Variants in SCTR observed in about 807,000 individuals in gnomAD.
SCTR encodes secretin receptor.
SCTR carries 56 observed loss-of-function variants against 60.8 expected under a neutral mutation model. The ratio of observed to expected loss-of-function variants is 0.92; its 90% CI spans 0.74 to 1.15. The LOEUF is 1.15. Ranked by LOEUF, SCTR falls within the 50% of genes most tolerant of loss-of-function variation. The probability of loss-of-function intolerance (pLI) is 0.00; values close to 1 mark genes in which losing one functional copy is unlikely to be tolerated. For synonymous variants in SCTR, 202 were observed against 217.0 expected, an observed-to-expected ratio of 0.93 and a Z score of 0.61; for missense variants, 562 against 550.4, an observed-to-expected ratio of 1.02 and a Z score of -0.21.
chr2:119,509,337 T>A (rs1225014923), intron 1 of SCTR, among the ~76,000 whole-genome samples: 1 of 152,154 alleles, frequency 6.6e-6, no homozygotes, highest in Non-Finnish European at 1.5e-5. Flanking sequence ...ATGTGTGCAA[T>A]TGTTATGCCG....
chr2:119,447,363 G>GAC (rs1025846653), intron 10 of SCTR, among the ~76,000 whole-genome samples: 1 of 152,090 alleles, frequency 6.6e-6, no homozygotes, highest in Non-Finnish European at 1.5e-5. Flanking sequence ...ATAAACAATG[G>GAC]ACACCATGTG....
intron 2 of SCTR, among the ~76,000 whole-genome samples, chr2:119,492,401 A>G (rs577200409): frequency 6.6e-6 from 1 of 152,370 alleles, no homozygotes; most frequent in African/African-American, 2.4e-5. Context: ...GTGCTAAATA[A>G]GCATTCTTTG....
chr2:119,447,725 C>T (rs1351293173), intron 10 of SCTR, among the ~76,000 whole-genome samples: 1 of 152,194 alleles, frequency 6.6e-6, no homozygotes, highest in East Asian at 1.9e-4. Flanking sequence ...GCGCCCTCCA[C>T]CACGCCTGGC....
At chr2:119,494,581 G>A in intron 1 of SCTR, 33 bp from the exon 2 acceptor site, 1 of 1,611,308 alleles carries the variant, frequency 6.2e-7, no homozygotes, top group Non-Finnish European at 8.5e-7. Flanking sequence ...GCTCATCATT[G>A]CCACTAACTC....
At position 119,464,257 on chromosome 2, in the gene SCTR, T is replaced by G; in HGVS notation, c.504-2A>C. 1 of 1,614,142 alleles carries G rather than the reference T, an allele frequency of 6.2e-7. No individual in the cohort carries two copies. The highest frequency in any genetic ancestry group is 8.5e-7 in the Non-Finnish European group (1 of 1,180,006). ...TAGTTGCGAGTGCAGTGGAGCCTCC[T>G]GCAGGGAGAGAATGTAGGGACATAG... is the stretch of plus-strand genomic sequence containing the variant. On this transcript the variant is annotated splice_acceptor_variant, in intron 5 of 12. Transcript: ENST00000019103. LOFTEE classifies it high-confidence loss of function.
rs1458635154 is a variant in SCTR, at chr2:119,518,917, G to T, written c.72+5238C>A. On this transcript the variant is annotated intron_variant, in intron 1 of 12. Transcript: ENST00000019103. ...GTGGGGATCATGAGGACAGGGTGAG[G>T]TTGGGAAGTTCTGCGGGAACTCCAA... Among the ~76,000 whole-genome samples the T allele has an allele frequency of 3.3e-5, 5 of 152,310 alleles. 1 individual carries two copies. The South Asian group carries it at 8.3e-4, about 25-fold the overall frequency.
At chr2:119,456,061 C>CTTTTT (rs34764285) in intron 7 of SCTR, among the ~76,000 whole-genome samples, 4 of 121,084 alleles carry the variant, frequency 3.3e-5, no homozygotes, top group African/African-American at 6.5e-5. Flanking sequence ...GATTTTTCAA[C>CTTTTT]TTTTTTTTTT....
intron 5 of SCTR, among the ~76,000 whole-genome samples, chr2:119,465,404 A>G (rs1320995539): frequency 6.6e-6 from 1 of 152,182 alleles, no homozygotes; most frequent in Non-Finnish European, 1.5e-5. Context: ...GCAGATGCCC[A>G]TGAACTTGCC....
intron 7 of SCTR, among the ~76,000 whole-genome samples, chr2:119,458,152 A>T (rs961995327): frequency 6.6e-6 from 1 of 151,948 alleles, no homozygotes; most frequent in African/African-American, 2.4e-5. Context: ...ATAAGTAAAT[A>T]AAAATTAGCT....
At chr2:119,449,942 AAAG>A (rs1470582482) in intron 9 of SCTR, among the ~76,000 whole-genome samples, 2 of 135,298 alleles carry the variant, frequency 1.5e-5, no homozygotes, top group Non-Finnish European at 3.1e-5. Context: ...AAGACAAAAA[AAAG>A]AAGGAAGGAA....
At chr2:119,474,518 G>A (rs1230541242) in intron 3 of SCTR, among the ~76,000 whole-genome samples, 1 of 152,232 alleles carries the variant, frequency 6.6e-6, no homozygotes, top group African/African-American at 2.4e-5. Flanking sequence ...GCTCAGGCCG[G>A]TGTAAGTGTT....
rs146380909 is a variant in SCTR, at chr2:119,512,421, G to A, written c.72+11734C>T. 9.5e-5 allele frequency among the ~76,000 whole-genome samples: 13 copies of A among 136,800 alleles called. No homozygotes were observed. The East Asian group carries it at 2.9e-3, about 30-fold the overall frequency. The allele number at this position is 136,800 out of a possible 152,430, so 89.7% of individuals were successfully genotyped here. ...CTTCTTCTTCTTTCTTTTTGAGATG[G>A]AGTCCCGCTCTATTTCCCAGGCTGG... On this transcript the variant is annotated intron_variant, in intron 1 of 12. Coordinates refer to ENST00000019103, the MANE Select transcript of SCTR (RefSeq NM_002980.3).
intron 2 of SCTR, among the ~76,000 whole-genome samples, chr2:119,485,062 A>G (rs925240976): frequency 2.0e-5 from 3 of 152,196 alleles, no homozygotes; most frequent in African/African-American, 7.2e-5. Flanking sequence ...CAGGATAGAC[A>G]GGGCTCTGCC....
At chr2:119,495,197 G>T (rs1678299780) in intron 1 of SCTR, among the ~76,000 whole-genome samples, 1 of 152,162 alleles carries the variant, frequency 6.6e-6, no homozygotes, top group African/African-American at 2.4e-5. Flanking sequence ...TCTCTATGTT[G>T]CCCAGACTGG....
chr2:119,503,714 G>C (rs1396355645), intron 1 of SCTR, among the ~76,000 whole-genome samples: 1 of 152,142 alleles, frequency 6.6e-6, no homozygotes. Context: ...GCATGATACT[G>C]TAATAGCGGA....
At chr2:119,446,402 G>A (rs1682927566) in intron 11 of SCTR, among the ~76,000 whole-genome samples, 1 of 152,138 alleles carries the variant, frequency 6.6e-6, no homozygotes, top group African/African-American at 2.4e-5. Context: ...CCACGCTCCC[G>A]CGAGGCTCAT....
At chr2:119,523,517 T>C (rs1417615381) in intron 1 of SCTR, among the ~76,000 whole-genome samples, 5 of 151,290 alleles carry the variant, frequency 3.3e-5, no homozygotes, top group Non-Finnish European at 1.5e-5. Context: ...ACGCAGACAT[T>C]AGGGAGCCGC....
At chr2:119,444,416 CCCATATACGTATGAATATACACAT>C (rs1380862481) in intron 11 of SCTR, among the ~76,000 whole-genome samples, 202 of 95,832 alleles carry the variant, frequency 2.1e-3, no homozygotes, top group South Asian at 3.8e-3. Context: ...AATATATATA[CCCATATACGTATGAATATACACAT>C]ATATATACGT....
intron 1 of SCTR, among the ~76,000 whole-genome samples, chr2:119,510,698 C>T (rs1041911261): frequency 1.4e-5 from 2 of 146,826 alleles, no homozygotes; most frequent in African/African-American, 5.5e-5. Flanking sequence ...TTCCTCAAAA[C>T]AAGAGCTATT....
Sources: gnomAD v4.1 joint callset for allele counts (sites outside exome capture counted in the v4.1 genomes callset) on GRCh38, gnomAD v4.1.1 for gene constraint, MANE v1.5 for transcripts, NCBI Gene and HGNC (gene_info 2026-07-23, HGNC 2026-07-21) for gene names.